The following ABCA1 variants were observed in gnomAD, a reference collection of about 807,000 sequenced individuals.
ABCA1 encodes phospholipid-transporting ATPase ABCA1.
ABCA1 carries 133 observed loss-of-function variants against 262.5 expected under a neutral mutation model. The ratio of observed to expected loss-of-function variants is 0.51; its 90% CI spans 0.44 to 0.59. The LOEUF (loss-of-function observed/expected upper bound fraction) is 0.59, where lower values mean the gene tolerates loss of function less well. Ranked by LOEUF, ABCA1 falls within the 20% of genes least tolerant of loss-of-function variation. The pLI is 0.00. For missense variants in ABCA1, 2,452 were observed against 2,777.5 expected (o/e 0.88, Z 2.63); for synonymous variants, 1,022 against 1,043.5 (o/e 0.98, Z 0.40).
chr9:104,874,174 T>C (rs1003405470), intron 5 of ABCA1, among the ~76,000 whole-genome samples: 1 of 152,172 alleles, frequency 6.6e-6, no homozygotes, highest in African/African-American at 2.4e-5. Context: ...CATGACCCTT[T>C]TCCCTAAGTA....
At chr9:104,879,409 C>A (rs1838436204) in intron 5 of ABCA1, among the ~76,000 whole-genome samples, 1 of 152,190 alleles carries the variant, frequency 6.6e-6, no homozygotes, top group Non-Finnish European at 1.5e-5. Context: ...ATCCAAGCTT[C>A]AAGTCTTTGT....
rs1833366719 is a variant in ABCA1 at position 104,831,896 on chromosome 9, T to C, written c.1510-69A>G. 6 of 1,424,966 alleles carry C rather than the reference T, an allele frequency of 4.2e-6. No homozygotes were observed. In the Admixed American group the frequency reaches 8.4e-5, roughly 20 times the overall value. The allele number at this position is 1,424,966 out of a possible 1,614,324, so 88.3% of individuals were successfully genotyped here. ...AACAAGCAGTGGCTGAGACAAATCC[T>C]ACACTAGGAGGCAAGGGCTGACTAC... On this transcript the variant is annotated intron_variant, in intron 12 of 49. Transcript: ENST00000374736.
In ABCA1 at chr9:104,823,668, G is replaced by A. The variant is rs538373540; in HGVS notation, c.2656+797C>T. 4.6e-5 allele frequency among the ~76,000 whole-genome samples: 7 copies of A among 152,234 alleles called. No homozygotes were observed. The Middle Eastern group carries it at 0.017, about 370-fold the overall frequency. The stretch of plus-strand genomic sequence containing the variant: ...GAGTTGAGAAGATAGGCAAGTTAGA[G>A]AGAAAGTTCTCCTGTGAGAGCAAAC... On this transcript the variant is annotated intron_variant, in intron 18 of 49. Transcript: ENST00000374736.
At chr9:104,926,027 G>A (rs79685105) in intron 1 of ABCA1, among the ~76,000 whole-genome samples, 13 of 130,168 alleles carry the variant, frequency 1.0e-4, no homozygotes, top group African/African-American at 1.2e-4. Flanking sequence ...AAAAAAAAAA[G>A]AAAAAAAAAT....
Position 104,871,163 on chromosome 9 carries a change from C to G in ABCA1, c.422-9363G>C, listed in dbSNP as rs990416207. 5.3e-5 allele frequency among the ~76,000 whole-genome samples: 8 copies of G among 152,126 alleles called. No homozygotes were observed. The East Asian group carries it at 1.5e-3, about 29-fold the overall frequency. The stretch of plus-strand genomic sequence containing the variant: ...TCCCTTCTGCCAGTTGAGGAAATGG[C>G]GTTTGTCCCCTCCTAAGGATGCAGC... On this transcript the variant is annotated intron_variant, in intron 5 of 49. Coordinates refer to ENST00000374736, the MANE Select transcript of ABCA1 (RefSeq NM_005502.4).
chr9:104,848,534 G>A (rs1239489082), intron 7 of ABCA1, among the ~76,000 whole-genome samples: 1 of 151,628 alleles, frequency 6.6e-6, no homozygotes, highest in Non-Finnish European at 1.5e-5. Flanking sequence ...AAAATTGCTT[G>A]AACCTGGGAG....
chr9:104,824,716 T>C, intron 17 of ABCA1, 138 bp from the exon 18 acceptor site: 1 of 1,086,894 alleles, frequency 9.2e-7, no homozygotes, highest in Non-Finnish European at 1.4e-6. Context: ...AAGAGGGAGC[T>C]AACATTTGCT....
intron 41 of ABCA1, 28 bp from the exon 42 acceptor site, chr9:104,792,934 C>G (rs765833642): frequency 1.2e-6 from 2 of 1,613,450 alleles, no homozygotes; most frequent in Non-Finnish European, 8.5e-7. Flanking sequence ...GAAAAATGAA[C>G]CTTTCAAACT....
chr9:104,798,333 G>T, intron 37 of ABCA1, 88 bp downstream of exon 37: 4 of 1,477,112 alleles, frequency 2.7e-6, no homozygotes, highest in Non-Finnish European at 3.8e-6. Context: ...AACATTTCCT[G>T]ATGATAGCCA....
chr9:104,855,181 C>A (rs139772983), intron 7 of ABCA1: 1 of 984,630 alleles, frequency 1.0e-6, no homozygotes, highest in East Asian at 1.1e-4. Flanking sequence ...CACTGATCTA[C>A]AGAAGAAAAC....
At chr9:104,843,463 C>T (rs1287470601) in intron 8 of ABCA1, among the ~76,000 whole-genome samples, 1 of 152,218 alleles carries the variant, frequency 6.6e-6, no homozygotes, top group African/African-American at 2.4e-5. Flanking sequence ...CTATTCCAGT[C>T]GCTACTGGAG....
intron 3 of ABCA1, among the ~76,000 whole-genome samples, chr9:104,888,309 G>T (rs777187276): frequency 6.6e-6 from 1 of 152,080 alleles, no homozygotes; most frequent in Non-Finnish European, 1.5e-5. Context: ...CAGTGAAACT[G>T]AAGTCCCAGC....
At chr9:104,862,532 AG>A (rs1836514298) in intron 5 of ABCA1, among the ~76,000 whole-genome samples, 1 of 151,936 alleles carries the variant, frequency 6.6e-6, no homozygotes, top group East Asian at 1.9e-4. Context: ...TATTCCCACA[AG>A]CTGCAGAGAC....
intron 30 of ABCA1, among the ~76,000 whole-genome samples, chr9:104,808,115 G>T (rs1830954128): frequency 6.6e-6 from 1 of 151,334 alleles, no homozygotes; most frequent in South Asian, 2.1e-4. Flanking sequence ...TTTCCTTCAG[G>T]TCCACCATTT....
At chr9:104,832,499 G>A in intron 12 of ABCA1, 75 bp downstream of exon 12, 2 of 1,517,382 alleles carry the variant, frequency 1.3e-6, no homozygotes, top group South Asian at 2.3e-5. Context: ...CTTGCCTCCT[G>A]CCTGAACCTT....
Position 104,796,149 on chromosome 9 carries a change from G to T in ABCA1, c.5286C>A (p.Ile1762=), listed in dbSNP as rs768968953. ...LMYPASFVFK[I]PSTAYVVLTS... ...TGAGCACCACATAGGCTGTGCTGGG[G>T]ATCTTGAACACAAAGGAGGCTGGGT... The change falls in exon 39 of 50, where the codon ATC becomes ATA. Residue 1762 remains isoleucine (I), a synonymous_variant. Coordinates refer to ENST00000374736, the MANE Select transcript of ABCA1 (RefSeq NM_005502.4). 2.5e-6 allele frequency: 4 copies of T among 1,613,958 alleles called. No individual in the cohort carries two copies. Among genetic ancestry groups the T allele is most frequent in the Non-Finnish European group, 3.4e-6 (4 of 1,180,036 alleles).
At chr9:104,790,359 G>A (rs1459295282) in intron 44 of ABCA1, among the ~76,000 whole-genome samples, 1 of 151,986 alleles carries the variant, frequency 6.6e-6, no homozygotes, top group African/African-American at 2.4e-5. Flanking sequence ...AAACTAATGT[G>A]TCCAACATTT....
rs1226778696 is a variant in ABCA1, at chr9:104,903,662, C to A, written c.18G>T (p.Gln6His). 4 of 1,583,716 alleles carry A rather than the reference C, an allele frequency of 2.5e-6. No individual in the cohort carries two copies. The East Asian group carries it at 9.2e-5, about 36-fold the overall frequency. The change falls in exon 2 of 50, where the codon CAG (glutamine) becomes CAT (histidine). Residue 6 changes from glutamine to histidine, a missense_variant. This residue lies in a region of ABCA1 where 1,032 missense variants were observed against 1,089.7 expected (regional missense o/e 0.95). Coordinates refer to ENST00000374736, the MANE Select transcript of ABCA1 (RefSeq NM_005502.4). MACWP[Q>H]LRLLLWKNLT... Reference sequence around the variant, plus strand: ...GGTTCTTCCACAGCAGCAACCTCAGCTGAGGCCAACAAGCCATGTTCCCTC... The same window carrying A: ...GGTTCTTCCACAGCAGCAACCTCAGATGAGGCCAACAAGCCATGTTCCCTC...
At chr9:104,839,517 G>GGTT (rs1554721158) in intron 9 of ABCA1, among the ~76,000 whole-genome samples, 1 of 142,680 alleles carries the variant, frequency 7.0e-6, no homozygotes, top group African/African-American at 2.7e-5. Context: ...TTAAATGTTA[G>GGTT]TTCTTTGTTG....
Sources: allele counts gnomAD v4.1 joint callset (sites outside exome capture counted in the v4.1 genomes callset), GRCh38; gene constraint gnomAD v4.1.1; regional missense constraint gnomAD v4.1.1; transcripts MANE v1.5; gene names NCBI Gene and HGNC (gene_info 2026-07-23, HGNC 2026-07-21).